Variants in KCNIP4 observed in about 807,000 individuals in gnomAD.
KCNIP4 encodes the protein Kv channel-interacting protein 4.
A neutral mutation model predicts 34.0 loss-of-function variants in KCNIP4; 12 were observed. The observed-to-expected ratio is 0.35, with a 90% CI of 0.23 to 0.57. The LOEUF is 0.57. KCNIP4 is among the 20% of genes least tolerant of loss of function. The pLI, the probability that KCNIP4 is intolerant of heterozygous loss-of-function variation, is 0.83. For synonymous variants in KCNIP4, 124 were observed against 102.2 expected, an observed-to-expected ratio of 1.21 and a Z score of -1.29; for missense variants, 238 against 311.7, an observed-to-expected ratio of 0.76 and a Z score of 1.78.
At position 20,940,229 on chromosome 4, in the gene KCNIP4, C is replaced by T. The variant is rs920816492; in HGVS notation, c.62-57520G>A. 2.0e-5 allele frequency among the ~76,000 whole-genome samples: 3 copies of T among 152,150 alleles called. No homozygotes were observed. In the East Asian group the frequency reaches 5.8e-4, roughly 29 times the overall value. ...CTTCTAGGAAGGCTCCCTGACCTTC[C>T]CTTCTTGCATTAGATGCAATTTCTC... On this transcript the variant is annotated intron_variant, in intron 1 of 8. Transcript: ENST00000382152.
At chr4:21,130,035 G>A (rs6837150) in intron 1 of KCNIP4, among the ~76,000 whole-genome samples, 2 of 151,884 alleles carry the variant, frequency 1.3e-5, no homozygotes, top group East Asian at 3.9e-4. Context: ...ATTTTCTCCC[G>A]GCAAAACGTT....
intron 1 of KCNIP4, among the ~76,000 whole-genome samples, chr4:21,229,130 C>A (rs1043121495): frequency 6.6e-6 from 1 of 152,118 alleles, no homozygotes; most frequent in South Asian, 2.1e-4. Flanking sequence ...ATGCTTTTTG[C>A]CCCTTCTGCC....
At chr4:21,303,958 T>C in intron 1 of KCNIP4, 3 of 1,607,338 alleles carry the variant, frequency 1.9e-6, no homozygotes, top group South Asian at 2.2e-5. Flanking sequence ...CTCCTCTGCC[T>C]GGCTTTCTTT....
chr4:21,104,515 T>A (rs2109079519), intron 1 of KCNIP4, among the ~76,000 whole-genome samples: 1 of 152,288 alleles, frequency 6.6e-6, no homozygotes, highest in African/African-American at 2.4e-5. Flanking sequence ...GATGAGTAGA[T>A]TGCAAAAATT....
intron 1 of KCNIP4, among the ~76,000 whole-genome samples, chr4:21,023,405 A>G (rs559065953): frequency 2.0e-5 from 3 of 152,278 alleles, no homozygotes; most frequent in East Asian, 3.9e-4. Flanking sequence ...ATGGGGAAAA[A>G]TTTTTGTAAA....
At chr4:21,884,520 G>A (rs1365807702) in intron 1 of KCNIP4, among the ~76,000 whole-genome samples, 3 of 152,006 alleles carry the variant, frequency 2.0e-5, no homozygotes, top group African/African-American at 7.2e-5. Flanking sequence ...CGGGATAAAT[G>A]GGACTTATTT....
chr4:21,011,176 T>C (rs1290408507), intron 1 of KCNIP4, among the ~76,000 whole-genome samples: 1 of 152,230 alleles, frequency 6.6e-6, no homozygotes, highest in African/African-American at 2.4e-5. Flanking sequence ...CTTTGCTTTC[T>C]TGTGAAATAT....
intron 1 of KCNIP4, among the ~76,000 whole-genome samples, chr4:21,580,378 T>A (rs1288739293): frequency 2.6e-5 from 4 of 152,132 alleles, no homozygotes; most frequent in African/African-American, 9.6e-5. Flanking sequence ...TAGCTCTGGA[T>A]ATGTCTTGTT....
At chr4:21,170,419 A>T (rs1560778606) in intron 1 of KCNIP4, among the ~76,000 whole-genome samples, 1 of 152,224 alleles carries the variant, frequency 6.6e-6, no homozygotes, top group Non-Finnish European at 1.5e-5. Flanking sequence ...TGGAAAATTT[A>T]GGTAAGCACT....
intron 1 of KCNIP4, among the ~76,000 whole-genome samples, chr4:21,626,617 A>C (rs2109191800): frequency 6.6e-6 from 1 of 152,168 alleles, no homozygotes; most frequent in South Asian, 2.1e-4. Context: ...AGTAATACTA[A>C]GCACTTTGGG....
rs150808341 is a variant in KCNIP4 at position 20,845,608 on chromosome 4, T to A, written c.288+4935A>T. ...TTGTCTCTTCAATTAGATGCGCACA[T>A]AACACAGAGGTGATGGGATGAGATG... is the stretch of plus-strand genomic sequence containing the variant. On this transcript the variant is annotated intron_variant, in intron 3 of 8. Coordinates refer to ENST00000382152, the MANE Select transcript of KCNIP4 (RefSeq NM_025221.6). Among the ~76,000 whole-genome samples the A allele has an allele frequency of 2.5e-3, 383 of 152,218 alleles. 1 individual carries two copies. The highest frequency in any genetic ancestry group is 0.01 in the Middle Eastern group (3 of 294).
intron 1 of KCNIP4, among the ~76,000 whole-genome samples, chr4:21,744,190 C>A (rs1479979928): frequency 6.6e-6 from 1 of 152,174 alleles, no homozygotes; most frequent in Admixed American, 6.5e-5. Flanking sequence ...TGACCACAAT[C>A]TATACAGTGA....
intron 1 of KCNIP4, among the ~76,000 whole-genome samples, chr4:21,263,543 A>T (rs887181943): frequency 1.3e-4 from 20 of 152,214 alleles, no homozygotes; most frequent in African/African-American, 4.6e-4. Context: ...GACTTATTTG[A>T]GCCACTACTC....
intron 1 of KCNIP4, among the ~76,000 whole-genome samples, chr4:20,898,223 C>T (rs996673164): frequency 3.3e-5 from 5 of 152,108 alleles, no homozygotes; most frequent in Non-Finnish European, 7.4e-5. Context: ...CCTGGTTCTC[C>T]AGCTTGCAGG....
intron 1 of KCNIP4, among the ~76,000 whole-genome samples, chr4:21,236,496 A>C (rs1049934183): frequency 1.3e-5 from 2 of 152,176 alleles, no homozygotes; most frequent in East Asian, 1.9e-4. Flanking sequence ...TCCCCCATTC[A>C]AATGGTTTTT....
At chr4:21,286,907 T>A (rs1578022478) in intron 1 of KCNIP4, among the ~76,000 whole-genome samples, 1 of 152,132 alleles carries the variant, frequency 6.6e-6, no homozygotes, top group Non-Finnish European at 1.5e-5. Flanking sequence ...ATACATCAAC[T>A]CGGAAATGTA....
intron 1 of KCNIP4, among the ~76,000 whole-genome samples, chr4:20,963,338 A>C (rs1219138035): frequency 2.0e-5 from 3 of 152,036 alleles, no homozygotes; most frequent in South Asian, 2.1e-4. Flanking sequence ...AAAAACAAAA[A>C]AAAAAACAAC....
chr4:21,695,132 A>G (rs1213350643), intron 1 of KCNIP4, among the ~76,000 whole-genome samples: 2 of 152,086 alleles, frequency 1.3e-5, no homozygotes, highest in Non-Finnish European at 2.9e-5. Flanking sequence ...TTCATTAATT[A>G]CTAGCTAAGG....
intron 1 of KCNIP4, among the ~76,000 whole-genome samples, chr4:21,247,820 T>TATATATACACACATATATATATATAC (rs767314805): frequency 4.0e-5 from 4 of 101,168 alleles, no homozygotes; most frequent in African/African-American, 1.8e-4. Flanking sequence ...TATATATATA[T>TATATATACACACATATATATATATAC]ACACACACAC....
Sources: allele counts gnomAD v4.1 joint callset (sites outside exome capture counted in the v4.1 genomes callset), GRCh38; gene constraint gnomAD v4.1.1; transcripts MANE v1.5; gene names NCBI Gene and HGNC (gene_info 2026-07-23, HGNC 2026-07-21).